Variants in SQOR observed in about 807,000 individuals in gnomAD.
SQOR encodes the protein sulfide:quinone oxidoreductase, mitochondrial.
In SQOR, 39 loss-of-function variants were observed where a neutral mutation model predicts 48.6. The observed-to-expected ratio is 0.80, with a 90% confidence interval of 0.62 to 1.05. SQOR has a LOEUF of 1.05. Among genes scored for constraint, SQOR ranks in the 50% least tolerant of loss-of-function variants. The pLI, the probability that SQOR is intolerant of heterozygous loss-of-function variation, is 0.00. For synonymous variants in SQOR, 220 were observed against 206.2 expected (o/e 1.07, Z -0.57); for missense variants, 561 against 559.9 (o/e 1.00, Z -0.02).
chr15:45,687,095 C>T (rs1265874890), intron 7 of SQOR, among the ~76,000 whole-genome samples: 1 of 152,046 alleles, frequency 6.6e-6, no homozygotes, highest in Non-Finnish European at 1.5e-5. Flanking sequence ...CCACCATGCT[C>T]GGCCACAAAC....
chr15:45,690,063 C>T (rs145681761), intron 9 of SQOR, among the ~76,000 whole-genome samples: 123 of 147,802 alleles, frequency 8.3e-4, no homozygotes, highest in African/African-American at 2.7e-3. Context: ...GTAATAAAAA[C>T]GAGTAATTCC....
intron 3 of SQOR, among the ~76,000 whole-genome samples, chr15:45,663,892 G>T (rs1170345620): frequency 3.3e-5 from 5 of 152,194 alleles, no homozygotes; most frequent in African/African-American, 4.8e-5. Flanking sequence ...TATAAGCCAG[G>T]TGCAGTTTTA....
At chr15:45,675,398 T>C (rs1890017442) in intron 5 of SQOR, among the ~76,000 whole-genome samples, 1 of 143,738 alleles carries the variant, frequency 7.0e-6, no homozygotes, top group South Asian at 2.5e-4. Context: ...TTAGTTTGTT[T>C]ATTTTTTTTT....
At chr15:45,681,691 A>C (rs1206974090) in intron 6 of SQOR, among the ~76,000 whole-genome samples, 1 of 152,210 alleles carries the variant, frequency 6.6e-6, no homozygotes, top group Non-Finnish European at 1.5e-5. Flanking sequence ...AGTTTGTTAA[A>C]AATAAATAAA....
chr15:45,673,854 C>A, intron 5 of SQOR, 53 bp downstream of exon 5: 1 of 1,551,518 alleles, frequency 6.4e-7, no homozygotes. Flanking sequence ...TGCTAATTCA[C>A]TGATTGCAAG....
intron 3 of SQOR, among the ~76,000 whole-genome samples, chr15:45,668,927 G>C (rs117456621): frequency 1.3e-5 from 2 of 151,768 alleles, no homozygotes; most frequent in Non-Finnish European, 2.9e-5. Flanking sequence ...TACAATACCC[G>C]TATTTGAAGA....
At chr15:45,663,632 G>C (rs1398489426) in intron 3 of SQOR, among the ~76,000 whole-genome samples, 3 of 152,050 alleles carry the variant, frequency 2.0e-5, no homozygotes, top group African/African-American at 4.8e-5. Context: ...GCTAGGTGTG[G>C]TGGTGTGTGC....
At chr15:45,655,574 A>G (rs906357961) in intron 1 of SQOR, among the ~76,000 whole-genome samples, 3 of 152,246 alleles carry the variant, frequency 2.0e-5, no homozygotes, top group Non-Finnish European at 2.9e-5. Context: ...AAAAGTACAT[A>G]CAAAGAAGAG....
intron 7 of SQOR, among the ~76,000 whole-genome samples, chr15:45,685,190 A>G (rs1222643900): frequency 1.3e-5 from 2 of 152,196 alleles, no homozygotes; most frequent in African/African-American, 4.8e-5. Context: ...CCTGTGTGAA[A>G]GTCTATTTAC....
chr15:45,643,929 T>G (rs688967), intron 1 of SQOR, among the ~76,000 whole-genome samples: 39,901 of 151,994 alleles, frequency 0.26, 6,588 homozygotes, highest in East Asian at 0.64. Flanking sequence ...ACGTGCTGCT[T>G]CTTCTAGAGC....
At chr15:45,647,007 G>A (rs1223700694) in intron 1 of SQOR, among the ~76,000 whole-genome samples, 1 of 152,162 alleles carries the variant, frequency 6.6e-6, no homozygotes, top group Admixed American at 6.5e-5. Flanking sequence ...TTTAGTAACA[G>A]GGAGGCCGAG....
intron 4 of SQOR, among the ~76,000 whole-genome samples, chr15:45,672,822 C>T (rs1430330876): frequency 6.6e-6 from 1 of 152,214 alleles, no homozygotes; most frequent in Non-Finnish European, 1.5e-5. Flanking sequence ...TTTGCTTCTG[C>T]CTACAACCCT....
chr15:45,662,117 G>A lies in SQOR; in HGVS notation c.397G>A (p.Asp133Asn), dbSNP rs748618342. 8 of 1,613,606 alleles carry A rather than the reference G, an allele frequency of 5.0e-6. No homozygotes were observed. Among genetic ancestry groups the A allele is most frequent in the East Asian group, 4.5e-5 (2 of 44,886 alleles). ...CAAGAACTGCATTCACACAGATGAC[G>A]ACGAGAAGGTAACCACTGAGGCCTT... Reference protein sequence around the residue: ...PDKNCIHTDDDEKISYRYLII... With the variant: ...PDKNCIHTDDNEKISYRYLII... Residue 133 changes from aspartate to asparagine, a missense_variant, in exon 3 of 10, where the codon GAC becomes AAC. By Grantham distance (23) the Asp-to-Asn change is conservative. Transcript: ENST00000260324.
In SQOR at chr15:45,651,895, T is replaced by TC. The variant is rs1296397182; in HGVS notation, c.-17-7012_-17-7011insC. Among the ~76,000 whole-genome samples the TC allele has an allele frequency of 8.3e-4, 127 of 152,270 alleles. 3 individuals are homozygous for TC. In the South Asian group the frequency reaches 0.025, roughly 30 times the overall value. Reference sequence around the variant, plus strand: ...TCCTTCTCCTTCTTCTTCTTCTTCTTTCTTTTTTTTAAAAACAGACTCTCA... The same window carrying TC: ...TCCTTCTCCTTCTTCTTCTTCTTCTTCTCTTTTTTTTAAAAACAGACTCTCA... On this transcript the variant is annotated intron_variant, in intron 1 of 9. Transcript: ENST00000260324.
chr15:45,648,100 C>A (rs543000487), intron 1 of SQOR, among the ~76,000 whole-genome samples: 1 of 152,144 alleles, frequency 6.6e-6, no homozygotes, highest in Admixed American at 6.5e-5. Context: ...TATGAGGAGT[C>A]TTTGAGACAG....
At chr15:45,669,811 C>A in intron 3 of SQOR, 117 bp from the exon 4 acceptor site, 1 of 841,560 alleles carries the variant, frequency 1.2e-6, no homozygotes, top group Non-Finnish European at 2.0e-6. Flanking sequence ...GTTCTATGGG[C>A]TAATAATATT....
At chr15:45,668,431 A>C (rs1043245542) in intron 3 of SQOR, among the ~76,000 whole-genome samples, 1 of 152,254 alleles carries the variant, frequency 6.6e-6, no homozygotes, top group Admixed American at 6.5e-5. Context: ...AAGGAATAAG[A>C]CATAACTTTT....
At chr15:45,639,840 G>T (rs1015066835) in intron 1 of SQOR, among the ~76,000 whole-genome samples, 1 of 152,156 alleles carries the variant, frequency 6.6e-6, no homozygotes, top group Non-Finnish European at 1.5e-5. Context: ...GCCTTTCAAG[G>T]TCTAGGTGAT....
intron 6 of SQOR, among the ~76,000 whole-genome samples, chr15:45,676,990 G>C (rs527587810): frequency 1.3e-5 from 2 of 149,992 alleles, no homozygotes; most frequent in Non-Finnish European, 2.9e-5. Context: ...GCAGTGAGCC[G>C]AGATTGTACC....
Sources: allele counts gnomAD v4.1 joint callset (sites outside exome capture counted in the v4.1 genomes callset), GRCh38; gene constraint gnomAD v4.1.1; transcripts MANE v1.5; gene names NCBI Gene and HGNC (gene_info 2026-07-23, HGNC 2026-07-21).